PROM2: variants seen among roughly 807,000 people sequenced by gnomAD.
PROM2 encodes the protein prominin 2, also known as prominin-2.
A neutral mutation model predicts 110.2 loss-of-function variants in PROM2; 90 were observed. The ratio of observed to expected loss-of-function variants is 0.82; its 90% CI spans 0.69 to 0.97. The LOEUF is 0.97. PROM2 is among the 50% of genes least tolerant of loss of function. The probability of loss-of-function intolerance (pLI) is 0.00; values close to 1 mark genes in which losing one functional copy is unlikely to be tolerated. For synonymous variants in PROM2, 470 were observed against 467.8 expected (o/e 1.00, Z -0.06); for missense variants, 1,009 against 1,074.8 (o/e 0.94, Z 0.86).
Position 95,277,914 on chromosome 2 carries a change from C to A in PROM2, c.976-16C>A, listed in dbSNP as rs777602840. The A allele has an allele frequency of 1.2e-6, 2 of 1,610,090 alleles. No individual in the cohort carries two copies. Among genetic ancestry groups the A allele is most frequent in the Non-Finnish European group, 1.7e-6 (2 of 1,178,416 alleles). On this transcript the variant is annotated splice_polypyrimidine_tract_variant and intron_variant, in intron 7 of 23. Coordinates refer to ENST00000317620, the MANE Select transcript of PROM2 (RefSeq NM_001165978.3). ...TCTCCATGAACTTTGTCATAACCCA[C>A]CTTCCCCCATTTCAGGTGCCCTCTG...
chr2:95,284,941 G>A (rs761232595), intron 14 of PROM2, 28 bp from the exon 15 acceptor site: 3 of 1,600,426 alleles, frequency 1.9e-6, no homozygotes, highest in South Asian at 1.1e-5. Flanking sequence ...AACTGGGCAT[G>A]ACTCCCACCC....
intron 12 of PROM2, 35 bp from the exon 13 acceptor site, chr2:95,281,890 C>G (rs200619262): frequency 1.3e-6 from 2 of 1,533,296 alleles, no homozygotes; most frequent in Non-Finnish European, 1.8e-6. Context: ...GCCCCCACCC[C>G]GCTCTGTGCC....
Position 95,279,836 on chromosome 2 carries a change from C to T in PROM2, c.1275-9C>T, listed in dbSNP as rs530637182. ...TTTCTTAGTGACACCCATGTCCTCT[C>T]TGTGGCAGGTGGATCGTGGGCTGCG... On this transcript the variant is annotated splice_polypyrimidine_tract_variant and intron_variant, in intron 10 of 23. Coordinates refer to ENST00000317620, the MANE Select transcript of PROM2 (RefSeq NM_001165978.3). 2.1e-6 allele frequency: 3 copies of T among 1,443,704 alleles called. No individual in the cohort carries two copies. In the South Asian group the frequency reaches 4.7e-5, roughly 23 times the overall value. The allele number at this position is 1,443,704 out of a possible 1,614,324, so 89.4% of individuals were successfully genotyped here.
chr2:95,287,906 T>A (rs1435008897), intron 20 of PROM2, among the ~76,000 whole-genome samples: 1 of 152,168 alleles, frequency 6.6e-6, no homozygotes, highest in Non-Finnish European at 1.5e-5. Context: ...TGAGTGTGTG[T>A]GTATGCATGC....
intron 7 of PROM2, 129 bp downstream of exon 7, chr2:95,277,695 C>A (rs775886461): frequency 3.5e-5 from 35 of 991,592 alleles, no homozygotes; most frequent in East Asian, 2.6e-5. Flanking sequence ...AGGGTTAATG[C>A]GGGTCATCCT....
chr2:95,278,970 T>A lies in PROM2; in HGVS notation c.1115-15T>A. 4.4e-6 allele frequency: 7 copies of A among 1,598,022 alleles called. No individual in the cohort carries two copies. Among genetic ancestry groups the A allele is most frequent in the Non-Finnish European group, 6.0e-6 (7 of 1,170,178 alleles). ...GTGCCCTCCGCATCCCACAAGTCCC[T>A]GTTACTTTGGGCAGAGCTGAAGAAG... is the stretch of plus-strand genomic sequence containing the variant. On this transcript the variant is annotated splice_polypyrimidine_tract_variant and intron_variant, in intron 9 of 23. Coordinates refer to ENST00000317620, the MANE Select transcript of PROM2 (RefSeq NM_001165978.3).
Position 95,279,034 on chromosome 2 carries a change from T to G in PROM2, c.1164T>G (p.Ala388=), listed in dbSNP as rs1676852467. 1 of 1,612,808 alleles carries G rather than the reference T, an allele frequency of 6.2e-7. No homozygotes were observed. The highest frequency in any genetic ancestry group is 1.3e-5 in the African/African-American group (1 of 74,918). The change falls in exon 10 of 24, where the codon GCT becomes GCG. Residue 388 remains alanine (A), a synonymous_variant. Coordinates refer to ENST00000317620, the MANE Select transcript of PROM2 (RefSeq NM_001165978.3). The part of the protein sequence containing the change: ...AQQPEGVRTL[A]EGFPGLEAAS... Reference sequence around the variant, plus strand: ...AGCCGGAAGGGGTGAGGACACTGGCTGAAGGGTTCCCGGGCTTGGAGGCAG... The same window carrying G: ...AGCCGGAAGGGGTGAGGACACTGGCGGAAGGGTTCCCGGGCTTGGAGGCAG...
In PROM2 at chr2:95,275,132, T is replaced by C; in HGVS notation, c.244+303T>C. 2.1e-6 allele frequency: 1 copy of C among 474,706 alleles called. No homozygotes were observed. The highest frequency in any genetic ancestry group is 3.7e-6 in the Non-Finnish European group (1 of 271,784). The allele number at this position is 474,706 out of a possible 1,614,324, so 29.4% of individuals were successfully genotyped here. ...GCTTGGGTTGGGTGGTCCAGGAGTG[T>C]CTGAAGGACCCTCCCAGTCCTGTCC... On this transcript the variant is annotated intron_variant, in intron 1 of 23. Coordinates refer to ENST00000317620, the MANE Select transcript of PROM2 (RefSeq NM_001165978.3). The surrounding 1 kb of genome is among the most constrained non-coding windows in gnomAD (Gnocchi z 4.4).
chr2:95,276,166 C>T lies in PROM2; in HGVS notation c.497+34C>T, dbSNP rs1403078060. The stretch of plus-strand genomic sequence containing the variant: ...CTGCCCAGGGCCCGGGTAGGGCGGG[C>T]TGTGGCCCCCAGGCTCCCTCTTACC... On this transcript the variant is annotated intron_variant, in intron 3 of 23. Transcript: ENST00000317620. The surrounding 1 kb of genome is among the most constrained non-coding windows in gnomAD (Gnocchi z 4.6). 9.3e-6 allele frequency: 15 copies of T among 1,611,966 alleles called. No homozygotes were observed. The highest frequency in any genetic ancestry group is 1.3e-5 in the African/African-American group (1 of 74,900).
rs1188979616 is a variant in PROM2 at position 95,289,652 on chromosome 2, A to C, written c.*439A>C. ...CCTCTCTGAGCCCCTCGCCCCCCAC[A>C]CCGTCCTCATCTGGCCTCCCCCCTG... On this transcript the variant is annotated 3_prime_UTR_variant, in exon 24 of 24. Coordinates refer to ENST00000317620, the MANE Select transcript of PROM2 (RefSeq NM_001165978.3). 4 of 55,548 alleles carry C rather than the reference A, an allele frequency of 7.2e-5. No individual in the cohort carries two copies. Among genetic ancestry groups the C allele is most frequent in the East Asian group, 1.5e-3 (2 of 1,300 alleles). 3.4% of individuals were successfully genotyped at this position (55,548 alleles called of 1,614,324 possible).
chr2:95,288,724 A>G, intron 22 of PROM2, 135 bp downstream of exon 22: 1 of 837,570 alleles, frequency 1.2e-6, no homozygotes, highest in Non-Finnish European at 1.9e-6. Context: ...GAAGAGCCAC[A>G]CTCTGAGGAG....
At position 95,288,500 on chromosome 2, in the gene PROM2, C is replaced by T; in HGVS notation, c.2352C>T (p.Cys784=). The stretch of plus-strand genomic sequence containing the variant: ...TGTTGCAGAATGCCTTCTGGTTCTG[C>T]CTGGCATGGTGCACCTTCTTCCTGA... ...MADPWNAFWF[C]LAWCTFFLIP... is the part of the protein sequence containing the mutation. The change falls in exon 22 of 24, where the codon TGC becomes TGT. Residue 784 remains cysteine (C), a synonymous_variant. Coordinates refer to ENST00000317620, the MANE Select transcript of PROM2 (RefSeq NM_001165978.3). 7 of 1,614,212 alleles carry T rather than the reference C, an allele frequency of 4.3e-6. No individual in the cohort carries two copies. Among genetic ancestry groups the T allele is most frequent in the Admixed American group, 1.7e-5 (1 of 60,026 alleles).
chr2:95,277,207 C>A, intron 6 of PROM2, 146 bp downstream of exon 6: 1 of 1,112,502 alleles, frequency 9.0e-7, no homozygotes, highest in South Asian at 1.6e-5. Flanking sequence ...TCCAGCCCCC[C>A]TCCCCTGGCT....
At position 95,289,111 on chromosome 2, in the gene PROM2, G is replaced by T. The variant is rs763238565; in HGVS notation, c.*10+105G>T. 3.5e-4 allele frequency: 325 copies of T among 939,798 alleles called. 1 individual carries two copies. Among genetic ancestry groups the T allele is most frequent in the Admixed American group, 5.0e-4 (26 of 51,752 alleles). The allele number at this position is 939,798 out of a possible 1,614,324, so 58.2% of individuals were successfully genotyped here. The stretch of plus-strand genomic sequence containing the variant: ...TTCCAGGGCCTAGGAGGGCAGGAAG[G>T]CTTGGGGACATGGTGGAGTCTGGGT... On this transcript the variant is annotated intron_variant, in intron 23 of 23. Coordinates refer to ENST00000317620, the MANE Select transcript of PROM2 (RefSeq NM_001165978.3).
intron 14 of PROM2, among the ~76,000 whole-genome samples, chr2:95,283,894 A>G (rs1423358689): frequency 6.6e-6 from 1 of 152,248 alleles, no homozygotes; most frequent in Admixed American, 6.5e-5. Flanking sequence ...ATAGGCAGGC[A>G]AAGTCCCACT....
Position 95,276,454 on chromosome 2 carries a change from C to G in PROM2, c.618+107C>G. 2 of 1,590,996 alleles carry G rather than the reference C, an allele frequency of 1.3e-6. No individual in the cohort carries two copies. Among genetic ancestry groups the G allele is most frequent in the Non-Finnish European group, 1.7e-6 (2 of 1,165,018 alleles). ...GCCCATAACCAGCGCATCTGAAAGC[C>G]GCCTCCTCTCCCGCCCTTGCCTGAG... On this transcript the variant is annotated intron_variant, in intron 4 of 23. Transcript: ENST00000317620. The surrounding 1 kb of genome is among the most constrained non-coding windows in gnomAD (Gnocchi z 4.6).
chr2:95,282,457 G>T (rs922796401), intron 14 of PROM2, among the ~76,000 whole-genome samples: 1 of 152,186 alleles, frequency 6.6e-6, no homozygotes, highest in African/African-American at 2.4e-5. Context: ...GCACAGCCAA[G>T]GTGGCAGCAG....
At chr2:95,287,060 C>A in intron 18 of PROM2, 73 bp from the exon 19 acceptor site, 2 of 1,408,778 alleles carry the variant, frequency 1.4e-6, no homozygotes, top group Non-Finnish European at 1.0e-6. Context: ...GCTGAGTGTG[C>A]TGTGGTGTGT....
intron 8 of PROM2, 68 bp downstream of exon 8, chr2:95,278,072 TGGGC>T: frequency 2.2e-6 from 3 of 1,385,542 alleles, no homozygotes; most frequent in Non-Finnish European, 3.0e-6. Context: ...TTCCCCCTTT[TGGGC>T]AGGAACCCAG....
Sources: allele counts gnomAD v4.1 joint callset (sites outside exome capture counted in the v4.1 genomes callset), GRCh38; gene constraint gnomAD v4.1.1; non-coding constraint Gnocchi (gnomAD v3.1); transcripts MANE v1.5; gene names NCBI Gene and HGNC (gene_info 2026-07-23, HGNC 2026-07-21).